CTNNA3: variants seen among roughly 807,000 people sequenced by gnomAD.
CTNNA3 encodes the protein catenin alpha 3, also known as catenin alpha-3.
In CTNNA3, 76 loss-of-function variants were observed where a neutral mutation model predicts 95.7. The ratio of observed to expected loss-of-function variants is 0.79; its 90% CI spans 0.66 to 0.96. The LOEUF is 0.96. Among genes scored for constraint, CTNNA3 ranks in the 40% least tolerant of loss-of-function variants. The probability of loss-of-function intolerance (pLI) is 0.00; values close to 1 mark genes in which losing one functional copy is unlikely to be tolerated. For missense variants in CTNNA3, 1,191 were observed against 1,089.8 expected (o/e 1.09, Z -1.31); for synonymous variants, 431 against 374.4 (o/e 1.15, Z -1.74).
chr10:66,428,302 T>C (rs142138765), intron 11 of CTNNA3, among the ~76,000 whole-genome samples: 1,724 of 152,208 alleles, frequency 0.011, 40 homozygotes, highest in African/African-American at 0.04. Context: ...ACAATGATAA[T>C]GGAAGACTTC....
intron 9 of CTNNA3, among the ~76,000 whole-genome samples, chr10:66,650,299 G>A (rs1845848903): frequency 1.3e-5 from 2 of 152,118 alleles, no homozygotes. Context: ...AATTTGAAAA[G>A]ATGTAATCAT....
intron 5 of CTNNA3, among the ~76,000 whole-genome samples, chr10:67,477,552 C>T (rs1447654720): frequency 6.6e-6 from 1 of 152,166 alleles, no homozygotes; most frequent in Non-Finnish European, 1.5e-5. Flanking sequence ...CAGTAAAGTG[C>T]AGCCCTATAG....
chr10:67,484,820 A>G (rs1448191790), intron 5 of CTNNA3, among the ~76,000 whole-genome samples: 1 of 152,162 alleles, frequency 6.6e-6, no homozygotes, highest in Non-Finnish European at 1.5e-5. Context: ...AAAACAACAG[A>G]TGCTGGCAAG....
chr10:67,288,232 A>T (rs1292490849), intron 5 of CTNNA3, among the ~76,000 whole-genome samples: 2 of 152,206 alleles, frequency 1.3e-5, no homozygotes, highest in African/African-American at 4.8e-5. Context: ...AATTGCTTTA[A>T]TCATTAAGTA....
At chr10:67,732,888 A>G (rs61869474) in intron 1 of CTNNA3, among the ~76,000 whole-genome samples, 3,365 of 108,650 alleles carry the variant, frequency 0.031, 53 homozygotes, top group Non-Finnish European at 0.038. Flanking sequence ...TCACTCACGC[A>G]CACACACACA....
At position 67,423,317 on chromosome 10, in the gene CTNNA3, C is replaced by T. The variant is rs1046797482; in HGVS notation, c.579+98525G>A. Reference sequence around the variant, plus strand: ...CACAACCTCAATTGACCAACCAGAACATCTTGTCCCAAGATTTTACATGAC... The same window carrying T: ...CACAACCTCAATTGACCAACCAGAATATCTTGTCCCAAGATTTTACATGAC... On this transcript the variant is annotated intron_variant, in intron 5 of 17. Transcript: ENST00000433211. 3.9e-5 allele frequency among the ~76,000 whole-genome samples: 6 copies of T among 152,244 alleles called. No homozygotes were observed. In the South Asian group the frequency reaches 1.0e-3, roughly 26 times the overall value.
At chr10:66,456,049 G>T (rs1342749648) in intron 11 of CTNNA3, among the ~76,000 whole-genome samples, 1 of 151,980 alleles carries the variant, frequency 6.6e-6, no homozygotes, top group African/African-American at 2.4e-5. Flanking sequence ...GATATCAAAG[G>T]GCCAAATAAA....
At chr10:66,109,897 C>A (rs1280734530) in intron 13 of CTNNA3, among the ~76,000 whole-genome samples, 1 of 151,188 alleles carries the variant, frequency 6.6e-6, no homozygotes, top group Admixed American at 6.6e-5. Flanking sequence ...TTGCTTGCAG[C>A]CTTTTTTAAA....
intron 7 of CTNNA3, among the ~76,000 whole-genome samples, chr10:67,127,743 C>T (rs1859786151): frequency 6.6e-6 from 1 of 152,136 alleles, no homozygotes; most frequent in Admixed American, 6.5e-5. Flanking sequence ...TAATCTCACC[C>T]TCACTCATTT....
At chr10:67,445,943 A>C (rs1846728056) in intron 5 of CTNNA3, among the ~76,000 whole-genome samples, 2 of 152,198 alleles carry the variant, frequency 1.3e-5, no homozygotes, top group African/African-American at 4.8e-5. Flanking sequence ...TGTCTGGTAC[A>C]TGACAGATGC....
chr10:66,478,349 A>G (rs1839397890), intron 11 of CTNNA3, among the ~76,000 whole-genome samples: 1 of 152,052 alleles, frequency 6.6e-6, no homozygotes, highest in African/African-American at 2.4e-5. Flanking sequence ...CAGATTTTAC[A>G]CTTGAAAATA....
chr10:67,165,586 G>T (rs1003927202), intron 7 of CTNNA3, among the ~76,000 whole-genome samples: 2 of 151,982 alleles, frequency 1.3e-5, no homozygotes, highest in Non-Finnish European at 2.9e-5. Context: ...CTGGGCAAAG[G>T]GTACAAAGAA....
chr10:67,115,709 CTT>C (rs972930813), intron 7 of CTNNA3, among the ~76,000 whole-genome samples: 4 of 151,612 alleles, frequency 2.6e-5, no homozygotes, highest in Non-Finnish European at 5.9e-5. Flanking sequence ...TACACCAAAA[CTT>C]TTAAAGAAAT....
chr10:67,205,628 A>G (rs1018370587), intron 6 of CTNNA3, among the ~76,000 whole-genome samples: 2 of 152,116 alleles, frequency 1.3e-5, no homozygotes, highest in African/African-American at 2.4e-5. Flanking sequence ...GATTCAACAA[A>G]CATTTATAGA....
At chr10:66,928,156 C>T (rs1167303056) in intron 7 of CTNNA3, 27 of 1,613,986 alleles carry the variant, frequency 1.7e-5, no homozygotes, top group Non-Finnish European at 2.1e-5. Context: ...TGACGCCGAG[C>T]ACATCTCTTT....
chr10:66,542,385 C>T (rs1841885825), intron 10 of CTNNA3, among the ~76,000 whole-genome samples: 2 of 152,110 alleles, frequency 1.3e-5, no homozygotes, highest in Non-Finnish European at 2.9e-5. Flanking sequence ...CATCCCATTA[C>T]TGGGTATATA....
intron 3 of CTNNA3, among the ~76,000 whole-genome samples, chr10:67,563,479 A>C (rs1280433053): frequency 6.6e-6 from 1 of 152,234 alleles, no homozygotes; most frequent in African/African-American, 2.4e-5. Flanking sequence ...TACACCTTAT[A>C]CAAAAATTAA....
intron 13 of CTNNA3, among the ~76,000 whole-genome samples, chr10:66,122,388 A>G (rs370562283): frequency 2.0e-5 from 3 of 152,202 alleles, no homozygotes; most frequent in South Asian, 2.1e-4. Flanking sequence ...TACATGTAAT[A>G]GAAGAAAGAA....
chr10:66,766,397 T>C lies in CTNNA3; in HGVS notation c.1148A>G (p.Asp383Gly). The stretch of plus-strand genomic sequence containing the variant: ...ATCCAGGAAAGAGTCTGACACATGA[T>C]CTATAATAGCCTTGCGGAGCTGAGA... ...LRRQLRKAII[D>G]HVSDSFLDTT... The change falls in exon 9 of 18, where the codon GAT becomes GGT. Residue 383 changes from aspartate to glycine, a missense_variant. Physicochemically the swap from Asp to Gly is moderately conservative, Grantham distance 94. Transcript: ENST00000433211. 6.2e-7 allele frequency: 1 copy of C among 1,613,680 alleles called. No homozygotes were observed. Among genetic ancestry groups the C allele is most frequent in the Non-Finnish European group, 8.5e-7 (1 of 1,179,780 alleles).
Sources: allele counts gnomAD v4.1 joint callset (sites outside exome capture counted in the v4.1 genomes callset), GRCh38; gene constraint gnomAD v4.1.1; transcripts MANE v1.5; gene names NCBI Gene and HGNC (gene_info 2026-07-23, HGNC 2026-07-21).